STARD13: variants seen among roughly 807,000 people sequenced by gnomAD.
STARD13 encodes the protein stAR-related lipid transfer protein 13.
In STARD13, 62 loss-of-function variants were observed where a neutral mutation model predicts 106.4. The observed-to-expected ratio is 0.58, with a 90% CI of 0.48 to 0.72. The LOEUF (loss-of-function observed/expected upper bound fraction) is 0.72. STARD13 is among the 30% of genes least tolerant of loss of function. STARD13 has a pLI of 0.00. For synonymous variants in STARD13, 565 were observed against 553.0 expected (o/e 1.02, Z -0.31); for missense variants, 1,387 against 1,424.0 (o/e 0.97, Z 0.42).
chr13:33,613,501 A>G, the STARD13 span, among the ~76,000 whole-genome samples: 3 of 152,204 alleles, frequency 2.0e-5, no homozygotes, highest in Non-Finnish European at 4.4e-5. Flanking sequence ...GAGAAGAGAT[A>G]GGGTTGCAAC....
At chr13:33,591,310 T>C in the STARD13 span, among the ~76,000 whole-genome samples, 2 of 152,260 alleles carry the variant, frequency 1.3e-5, no homozygotes, top group East Asian at 3.8e-4. Context: ...CTTTACCTTA[T>C]TTATCATGTA....
chr13:33,522,341 G>A, the STARD13 span, among the ~76,000 whole-genome samples: 2 of 151,900 alleles, frequency 1.3e-5, no homozygotes, highest in South Asian at 4.1e-4. Flanking sequence ...ACCCTGGAGT[G>A]GTACATCTGT....
At chr13:33,444,843 T>A in the STARD13 span, among the ~76,000 whole-genome samples, 1 of 152,144 alleles carries the variant, frequency 6.6e-6, no homozygotes, top group Non-Finnish European at 1.5e-5. Flanking sequence ...CCCCAGAAAG[T>A]GTTAATTTTG....
At chr13:33,251,262 TCTTTCA>T (rs1307709439) in intron 1 of STARD13, among the ~76,000 whole-genome samples, 1 of 152,188 alleles carries the variant, frequency 6.6e-6, no homozygotes, top group Non-Finnish European at 1.5e-5. Context: ...CGCCTGGGAT[TCTTTCA>T]CTTTCAAGCC....
At chr13:33,283,240 T>C (rs998892847) in intron 1 of STARD13, among the ~76,000 whole-genome samples, 1 of 152,146 alleles carries the variant, frequency 6.6e-6, no homozygotes, top group African/African-American at 2.4e-5. Flanking sequence ...AAGTCTCTAG[T>C]ATATTATATA....
chr13:33,151,317 G>A (rs1367350275), intron 3 of STARD13, among the ~76,000 whole-genome samples: 1 of 152,178 alleles, frequency 6.6e-6, no homozygotes, highest in Non-Finnish European at 1.5e-5. Flanking sequence ...GTTGGCCTCT[G>A]CTTCTGGTAA....
In STARD13 at chr13:33,215,637, G is replaced by GA. The variant is rs765768534; in HGVS notation, c.170-48016dup. Among the ~76,000 whole-genome samples, 10 of 152,154 alleles carry GA rather than the reference G, an allele frequency of 6.6e-5. No homozygotes were observed. The East Asian group carries it at 1.9e-3, about 29-fold the overall frequency. On this transcript the variant is annotated intron_variant, in intron 1 of 13. Coordinates refer to ENST00000336934, the MANE Select transcript of STARD13 (RefSeq NM_178006.4). ...GTGACTGAAGAGTTACTGGAGTGGG[G>GA]ACTAGAACAAGCAGAGAAATCTCAT...
intron 1 of STARD13, among the ~76,000 whole-genome samples, chr13:33,324,697 T>C (rs904340041): frequency 2.0e-5 from 3 of 152,242 alleles, no homozygotes; most frequent in Admixed American, 6.5e-5. Flanking sequence ...AGAGATGTTA[T>C]CTTCAATTTT....
intron 1 of STARD13, among the ~76,000 whole-genome samples, chr13:33,179,507 T>G (rs1885024726): frequency 6.6e-6 from 1 of 152,194 alleles, no homozygotes; most frequent in Non-Finnish European, 1.5e-5. Context: ...TGATGGATGG[T>G]CTCTGCTTCT....
the STARD13 span, among the ~76,000 whole-genome samples, chr13:33,479,647 C>T: frequency 6.6e-6 from 1 of 152,032 alleles, no homozygotes; most frequent in Non-Finnish European, 1.5e-5. Flanking sequence ...GTGTCCTCGC[C>T]CAGATCTCAT....
chr13:33,142,245 G>C (rs1488192003), intron 4 of STARD13, 65 bp downstream of exon 4: 30 of 1,248,394 alleles, frequency 2.4e-5, no homozygotes, highest in Non-Finnish European at 3.5e-5. Context: ...ATGTTGCTCA[G>C]ATTGATCTCA....
At chr13:33,174,852 G>A (rs533552897) in intron 1 of STARD13, among the ~76,000 whole-genome samples, 8 of 152,222 alleles carry the variant, frequency 5.3e-5, no homozygotes, top group Non-Finnish European at 8.8e-5. Flanking sequence ...TTTCTGCTCC[G>A]AATTCTGCTT....
At chr13:33,400,465 ATT>A in the STARD13 span, among the ~76,000 whole-genome samples, 9 of 140,564 alleles carry the variant, frequency 6.4e-5, no homozygotes, top group Admixed American at 2.1e-4. Context: ...TTCAATGGCT[ATT>A]TTTTTTTTTT....
chr13:33,155,078 C>G (rs1028644578), intron 3 of STARD13, among the ~76,000 whole-genome samples: 8 of 152,176 alleles, frequency 5.3e-5, no homozygotes, highest in African/African-American at 1.9e-4. Flanking sequence ...ACCTCATGCA[C>G]TCTCAGGGCC....
chr13:33,664,578 CAA>C, the STARD13 span, among the ~76,000 whole-genome samples: 22 of 152,306 alleles, frequency 1.4e-4, no homozygotes, highest in African/African-American at 5.3e-4. Context: ...GAAATTGACA[CAA>C]GTCAGTTGCC....
intron 1 of STARD13, among the ~76,000 whole-genome samples, chr13:33,190,299 T>G (rs546989561): frequency 6.6e-6 from 1 of 152,116 alleles, no homozygotes; most frequent in African/African-American, 2.4e-5. Flanking sequence ...AGCCCGGATG[T>G]GGCTTCAGTT....
chr13:33,430,943 T>G, the STARD13 span, among the ~76,000 whole-genome samples: 4 of 152,128 alleles, frequency 2.6e-5, no homozygotes, highest in African/African-American at 9.7e-5. Flanking sequence ...GAAAAGAAGT[T>G]GATTAATGGG....
the STARD13 span, among the ~76,000 whole-genome samples, chr13:33,386,234 T>C: frequency 1.3e-5 from 2 of 152,232 alleles, no homozygotes; most frequent in East Asian, 1.9e-4. Flanking sequence ...ATTTTCATAA[T>C]TGAAATATCC....
intron 1 of STARD13, among the ~76,000 whole-genome samples, chr13:33,297,564 A>G (rs973720806): frequency 6.6e-6 from 1 of 152,008 alleles, no homozygotes. Flanking sequence ...TGTAAGACCA[A>G]AATTGTGTGG....
Sources: gnomAD v4.1 joint callset for allele counts (sites outside exome capture counted in the v4.1 genomes callset) on GRCh38, gnomAD v4.1.1 for gene constraint, MANE v1.5 for transcripts, NCBI Gene and HGNC (gene_info 2026-07-23, HGNC 2026-07-21) for gene names.